Variants in DMXL1 observed in about 807,000 individuals in gnomAD.
The protein encoded by DMXL1 is Dmx like 1, also known as dmX-like protein 1.
A neutral mutation model predicts 319.2 loss-of-function variants in DMXL1; 99 were observed. The ratio of observed to expected loss-of-function variants is 0.31; its 90% CI spans 0.26 to 0.37. The LOEUF (loss-of-function observed/expected upper bound fraction) is 0.37, where lower values mean the gene tolerates loss of function less well. Ranked by LOEUF, DMXL1 falls within the 10% of genes least tolerant of loss-of-function variation. DMXL1 has a pLI of 1.00. For missense variants in DMXL1, 3,745 were observed against 3,595.6 expected (o/e 1.04, Z -1.06); for synonymous variants, 1,385 against 1,235.2 (o/e 1.12, Z -2.54).
At position 119,224,723 on chromosome 5, in the gene DMXL1, CATTAATA is replaced by C. The variant is rs1369478754; in HGVS notation, c.8295_8301del (p.Ile2765MetfsTer5). 1 of 1,309,562 alleles carries C rather than the reference CATTAATA, an allele frequency of 7.6e-7. No individual in the cohort carries two copies. Among genetic ancestry groups the C allele is most frequent in the African/African-American group, 1.5e-5 (1 of 64,768 alleles). 81.1% of individuals were successfully genotyped at this position (1,309,562 alleles called of 1,614,324 possible). On this transcript the variant is annotated frameshift_variant, in exon 38 of 44. Coordinates refer to ENST00000539542, the MANE Select transcript of DMXL1 (RefSeq NM_001290321.3). LOFTEE classifies it high-confidence loss of function. The stretch of plus-strand genomic sequence containing the variant: ...TATTTTACCAGATGATTAAGAAAGC[CATTAATA>C]ATGTTAGAAGAATGACTTCTCATCC...
chr5:119,143,610 T>C (rs896277332), intron 13 of DMXL1, among the ~76,000 whole-genome samples: 1 of 152,020 alleles, frequency 6.6e-6, no homozygotes, highest in African/African-American at 2.4e-5. Flanking sequence ...CCTTAACAGT[T>C]ATCAAGCATT....
chr5:119,216,254 TTGTC>T (rs1783683690), intron 34 of DMXL1, among the ~76,000 whole-genome samples: 1 of 152,156 alleles, frequency 6.6e-6, no homozygotes. Flanking sequence ...TGTATACACT[TTGTC>T]TGGAGTAAGC....
Position 119,071,364 on chromosome 5 carries a change from G to C in DMXL1, c.-206G>C, listed in dbSNP as rs910005332. ...GAGCGCGGCGCTCCGCCCTCTCGCC[G>C]ACCCGCCCCCTCCGGGCCTCGCCCT... On this transcript the variant is annotated 5_prime_UTR_variant, in exon 1 of 44. Transcript: ENST00000539542. The C allele has an allele frequency of 7.2e-6, 4 of 554,828 alleles. No individual in the cohort carries two copies. The highest frequency in any genetic ancestry group is 6.1e-5 in the African/African-American group (3 of 48,980). The allele number at this position is 554,828 out of a possible 1,614,324, so 34.4% of individuals were successfully genotyped here.
At chr5:119,209,138 T>A (rs1420501164) in intron 34 of DMXL1, among the ~76,000 whole-genome samples, 5 of 152,240 alleles carry the variant, frequency 3.3e-5, no homozygotes, top group Non-Finnish European at 5.9e-5. Flanking sequence ...ATTTTGGACC[T>A]ATTCCAAATA....
Position 119,149,846 on chromosome 5 carries a change from G to A in DMXL1, c.4019G>A (p.Arg1340Gln), listed in dbSNP as rs779517085. Residue 1340 changes from arginine to glutamine, a missense_variant, in exon 18 of 44, where the codon CGG (arginine) becomes CAG (glutamine). By Grantham distance (43) the Arg-to-Gln change is conservative (BLOSUM62 1). Around this residue, in one of 4 missense-constraint regions of DMXL1, gnomAD observed 2,096 missense variants for 1,985.4 expected, o/e 1.06. Transcript: ENST00000539542. ...GAACTCATGGATCTTGGTAAAGTTC[G>A]GAGAGCCAAGGCCATCTTGTCCCAT... Reference protein sequence around the residue: ...LLELMDLGKVRRAKAILSHLV... With the variant: ...LLELMDLGKVQRAKAILSHLV... The A allele has an allele frequency of 3.2e-5, 51 of 1,613,718 alleles. No homozygotes were observed. Among genetic ancestry groups the A allele is most frequent in the East Asian group, 1.1e-4 (5 of 44,884 alleles).
chr5:119,179,075 C>G (rs1265436785), intron 28 of DMXL1, among the ~76,000 whole-genome samples: 1 of 152,000 alleles, frequency 6.6e-6, no homozygotes, highest in Non-Finnish European at 1.5e-5. Context: ...TTTTGGATTT[C>G]TAAGTGTTCA....
chr5:119,235,003 T>TA (rs1787475786), intron 39 of DMXL1, among the ~76,000 whole-genome samples: 1 of 152,156 alleles, frequency 6.6e-6, no homozygotes, highest in Admixed American at 6.6e-5. Context: ...CACAAGTATC[T>TA]TTGACCGGCA....
At position 119,147,354 on chromosome 5, in the gene DMXL1, C is replaced by G. The variant is rs1233221454; in HGVS notation, c.2795C>G (p.Ala932Gly). 6.2e-7 allele frequency: 1 copy of G among 1,613,322 alleles called. No individual in the cohort carries two copies. Among genetic ancestry groups the G allele is most frequent in the Admixed American group, 1.7e-5 (1 of 59,870 alleles). The change falls in exon 17 of 44, where the codon GCT becomes GGT. Residue 932 changes from alanine to glycine, a missense_variant. By Grantham distance (60) the Ala-to-Gly change is moderately conservative (BLOSUM62 0). Coordinates refer to ENST00000539542, the MANE Select transcript of DMXL1 (RefSeq NM_001290321.3). ...TCTCCTTTTTCACAAAAGTATCAGG[C>G]TTGCAGAGCAAATCTCCAGAGTACC... ...ILSPFSQKYQ[A>G]CRANLQSTSR...
chr5:119,227,517 G>T (rs1379289122), intron 38 of DMXL1, among the ~76,000 whole-genome samples: 1 of 152,008 alleles, frequency 6.6e-6, no homozygotes, highest in Admixed American at 6.6e-5. Flanking sequence ...GAAAATCCTG[G>T]GGTTCCTTTG....
At chr5:119,084,280 C>T (rs1415605151) in intron 1 of DMXL1, among the ~76,000 whole-genome samples, 2 of 151,920 alleles carry the variant, frequency 1.3e-5, no homozygotes, top group African/African-American at 2.4e-5. Context: ...CCATCATGCC[C>T]GGCTAATTTT....
chr5:119,143,737 C>G (rs972019792), intron 13 of DMXL1, 104 bp from the exon 14 acceptor site: 41 of 694,318 alleles, frequency 5.9e-5, no homozygotes, highest in Admixed American at 9.1e-5. Context: ...TTTAGGCCCA[C>G]TTGAATTTTA....
intron 9 of DMXL1, among the ~76,000 whole-genome samples, chr5:119,122,769 CACTT>C (rs1561643180): frequency 1.3e-5 from 2 of 151,666 alleles, no homozygotes. Flanking sequence ...AGGCGCTCCT[CACTT>C]ACTAGATGGG....
chr5:119,190,569 A>G (rs73242994), intron 29 of DMXL1, among the ~76,000 whole-genome samples: 13,199 of 152,202 alleles, frequency 0.087, 742 homozygotes, highest in African/African-American at 0.16. Context: ...ATTGGATTTG[A>G]TCAAAAGAGG....
chr5:119,167,089 T>C (rs188487555), intron 22 of DMXL1, among the ~76,000 whole-genome samples: 1 of 152,286 alleles, frequency 6.6e-6, no homozygotes, highest in East Asian at 1.9e-4. Flanking sequence ...TTGAACCCCA[T>C]ATCTGGCTCT....
chr5:119,235,389 T>C (rs1299740230), intron 39 of DMXL1, among the ~76,000 whole-genome samples: 2 of 151,972 alleles, frequency 1.3e-5, no homozygotes, highest in African/African-American at 4.8e-5. Flanking sequence ...TTCCCAAAAA[T>C]GTGGTCAGTG....
At chr5:119,242,497 T>C (rs1789010246) in intron 42 of DMXL1, among the ~76,000 whole-genome samples, 1 of 152,158 alleles carries the variant, frequency 6.6e-6, no homozygotes, top group African/African-American at 2.4e-5. Context: ...ATACTCCACA[T>C]TCACAGATTA....
At chr5:119,116,451 T>G in intron 7 of DMXL1, 115 bp downstream of exon 7, 1 of 1,142,994 alleles carries the variant, frequency 8.7e-7, no homozygotes, top group South Asian at 1.6e-5. Context: ...CCTATGAAGA[T>G]TAGAGTAATA....
At position 119,206,854 on chromosome 5, in the gene DMXL1, A is replaced by G. The variant is rs1781834732; in HGVS notation, c.7884A>G (p.Glu2628=). Residue 2628 remains glutamate, a synonymous_variant, in exon 34 of 44, where the codon GAA becomes GAG. Transcript: ENST00000539542. The part of the protein sequence containing the change: ...CLNESLEDNS[E]TIKNSMMEEP... ...TGAAGTCATTAGAGGACAACAGTGA[A>G]ACCATCAAAAATTCTATGATGGAGG... 1 of 1,529,156 alleles carries G rather than the reference A, an allele frequency of 6.5e-7. No homozygotes were observed. The allele number at this position is 1,529,156 out of a possible 1,614,324, so 94.7% of individuals were successfully genotyped here.
intron 36 of DMXL1, 96 bp downstream of exon 36, chr5:119,220,689 T>C: frequency 6.9e-7 from 1 of 1,453,666 alleles, no homozygotes; most frequent in Non-Finnish European, 9.3e-7. Context: ...AAGCAATGTA[T>C]AGATTGTAAG....
Sources: allele counts gnomAD v4.1 joint callset (sites outside exome capture counted in the v4.1 genomes callset), GRCh38; gene constraint gnomAD v4.1.1; regional missense constraint gnomAD v4.1.1; transcripts MANE v1.5; gene names NCBI Gene and HGNC (gene_info 2026-07-23, HGNC 2026-07-21).